LNP1: variants seen among roughly 807,000 people sequenced by gnomAD.
LNP1 encodes the protein leukemia NUP98 fusion partner 1.
In LNP1, 12 loss-of-function variants were observed where a neutral mutation model predicts 14.5. The ratio of observed to expected loss-of-function variants is 0.83; its 90% CI spans 0.53 to 1.34. LNP1 has a LOEUF of 1.34. Among genes scored for constraint, LNP1 ranks in the 40% most tolerant of loss-of-function variants. The pLI is 0.00. For synonymous variants in LNP1, 75 were observed against 71.4 expected, an observed-to-expected ratio of 1.05 and a Z score of -0.26; for missense variants, 198 against 210.9, an observed-to-expected ratio of 0.94 and a Z score of 0.38.
At chr3:100,423,360 A>G (rs1707163531) in intron 1 of LNP1, among the ~76,000 whole-genome samples, 1 of 152,214 alleles carries the variant, frequency 6.6e-6, no homozygotes, top group Non-Finnish European at 1.5e-5. Flanking sequence ...ACAGTGAAAT[A>G]AATAAAGGGA....
chr3:100,402,236 C>G lies in LNP1; in HGVS notation c.-237C>G, dbSNP rs950287429. 6.6e-6 allele frequency: 1 copy of G among 152,208 alleles called. No homozygotes were observed. The highest frequency in any genetic ancestry group is 2.4e-5 in the African/African-American group (1 of 41,442). The allele number at this position is 152,208 out of a possible 1,614,324, so 9.4% of individuals were successfully genotyped here. On this transcript the variant is annotated 5_prime_UTR_variant, in exon 1 of 4. Coordinates refer to ENST00000383693, the MANE Select transcript of LNP1 (RefSeq NM_001085451.2). ...AAAATCAGAGTCCAGAACTATGGTTCTCCATTTCTGGTATACTGGTTTGCA... is the reference window on the plus strand; with the variant it reads ...AAAATCAGAGTCCAGAACTATGGTTGTCCATTTCTGGTATACTGGTTTGCA...
Position 100,415,044 on chromosome 3 carries a change from C to A in LNP1, c.-34+12605C>A, listed in dbSNP as rs1576226792. ...CACAAAATGGCAAATAGATTAAAAA[C>A]CCAGAAAACTAAAACTTTAAACTTT... On this transcript the variant is annotated intron_variant, in intron 1 of 3. Transcript: ENST00000383693. Among the ~76,000 whole-genome samples the A allele has an allele frequency of 3.3e-5, 5 of 152,158 alleles. 1 individual carries two copies. In the South Asian group the frequency reaches 1.0e-3, roughly 32 times the overall value.
intron 2 of LNP1, among the ~76,000 whole-genome samples, 153 bp downstream of exon 2, chr3:100,430,038 T>C (rs1576231502): frequency 6.6e-6 from 1 of 152,330 alleles, no homozygotes; most frequent in East Asian, 1.9e-4. Flanking sequence ...ATCTCTCTTA[T>C]TATTTCATCT....
chr3:100,447,714 A>ATTTT lies in LNP1; in HGVS notation c.157-4004_157-4001dup, dbSNP rs1179218673. ...ATCCCTCTTCCTTAAACAACCAGTC[A>ATTTT]TTTTACTCTAGGACTAAATTTACCA... On this transcript the variant is annotated intron_variant, in intron 2 of 3. Transcript: ENST00000383693. 4.6e-5 allele frequency among the ~76,000 whole-genome samples: 7 copies of ATTTT among 152,298 alleles called. No individual in the cohort carries two copies. In the South Asian group the frequency reaches 1.0e-3, roughly 23 times the overall value.
intron 1 of LNP1, among the ~76,000 whole-genome samples, chr3:100,406,532 T>C (rs1229205381): frequency 6.6e-6 from 1 of 152,026 alleles, no homozygotes; most frequent in Non-Finnish European, 1.5e-5. Flanking sequence ...TTGATTTTTA[T>C]TTTTTTATTT....
chr3:100,410,245 A>G (rs953714204), intron 1 of LNP1, among the ~76,000 whole-genome samples: 2 of 152,214 alleles, frequency 1.3e-5, no homozygotes, highest in Non-Finnish European at 2.9e-5. Flanking sequence ...GGGGTCAGAA[A>G]GTAAAGAGGA....
intron 1 of LNP1, among the ~76,000 whole-genome samples, chr3:100,405,256 A>G (rs1441015961): frequency 6.6e-6 from 1 of 152,202 alleles, no homozygotes; most frequent in Non-Finnish European, 1.5e-5. Context: ...ATCAGCTGTG[A>G]AGTCTTCAAC....
rs920602422 is a variant in LNP1, at chr3:100,402,164, T to C, written c.-309T>C. On this transcript the variant is annotated 5_prime_UTR_variant, in exon 1 of 4. Coordinates refer to ENST00000383693, the MANE Select transcript of LNP1 (RefSeq NM_001085451.2). ...TAAAATATAAAATTACCTTGCAAGG[T>C]ATTGTTTGGAATACACGGTATTTTC... 6.6e-6 allele frequency: 1 copy of C among 152,184 alleles called. No homozygotes were observed. The highest frequency in any genetic ancestry group is 1.5e-5 in the Non-Finnish European group (1 of 68,030). The allele number at this position is 152,184 out of a possible 1,614,324, so 9.4% of individuals were successfully genotyped here. A position where few individuals can be genotyped will look rare whatever the true frequency, so the allele number is the denominator to read the frequency against.
At chr3:100,454,747 G>GA (rs1707493034) in intron 3 of LNP1, among the ~76,000 whole-genome samples, 1 of 152,186 alleles carries the variant, frequency 6.6e-6, no homozygotes, top group East Asian at 1.9e-4. Flanking sequence ...TTTGATAAGA[G>GA]ACCTTCATGA....
chr3:100,404,867 AC>A (rs1390198605), intron 1 of LNP1, among the ~76,000 whole-genome samples: 1 of 137,186 alleles, frequency 7.3e-6, no homozygotes, highest in Non-Finnish European at 1.5e-5. Context: ...ATCTCGGCTT[AC>A]TGCAACCTCT....
Position 100,451,936 on chromosome 3 carries a change from G to A in LNP1, c.374G>A (p.Arg125His), listed in dbSNP as rs541399644. The change falls in exon 3 of 4, where the codon CGT becomes CAT. Residue 125 changes from arginine (R) to histidine (H), a missense_variant. Arg to His is a conservative substitution (Grantham distance 29). Coordinates refer to ENST00000383693, the MANE Select transcript of LNP1 (RefSeq NM_001085451.2). ...FERQLCFRTK[R>H]SASLGPESRK... ...CGGCAACTGTGCTTTAGAACCAAGC[G>A]TTCTGCCTCTTTGGTATGTAACAGA... 22 of 1,611,076 alleles carry A rather than the reference G, an allele frequency of 1.4e-5. No homozygotes were observed. Among genetic ancestry groups the A allele is most frequent in the African/African-American group, 5.3e-5 (4 of 74,770 alleles).
At chr3:100,442,837 A>C (rs532529149) in intron 2 of LNP1, among the ~76,000 whole-genome samples, 15 of 152,264 alleles carry the variant, frequency 9.9e-5, no homozygotes, top group Admixed American at 8.5e-4. Flanking sequence ...CTCAGGTTTC[A>C]TCTGATCTCT....
chr3:100,434,682 C>A (rs1311065418), intron 2 of LNP1, among the ~76,000 whole-genome samples: 2 of 151,900 alleles, frequency 1.3e-5, no homozygotes, highest in Non-Finnish European at 2.9e-5. Flanking sequence ...GCGTGCACCA[C>A]CATGCCTGGC....
chr3:100,439,977 G>C (rs1482327948), intron 2 of LNP1, among the ~76,000 whole-genome samples: 4 of 152,114 alleles, frequency 2.6e-5, no homozygotes, highest in Non-Finnish European at 4.4e-5. Flanking sequence ...CCACACACTG[G>C]GTGGCTTAAA....
intron 3 of LNP1, 113 bp from the exon 4 acceptor site, chr3:100,455,664 G>A: frequency 1.0e-6 from 1 of 976,512 alleles, no homozygotes; most frequent in Non-Finnish European, 1.6e-6. Context: ...GAAACCAAGA[G>A]GTGGAAGTCT....
At chr3:100,440,626 G>T (rs917737417) in intron 2 of LNP1, among the ~76,000 whole-genome samples, 1 of 151,980 alleles carries the variant, frequency 6.6e-6, no homozygotes, top group African/African-American at 2.4e-5. Flanking sequence ...TAACCATTTG[G>T]TATTTCCCTT....
Position 100,429,888 on chromosome 3 carries a change from G to A in LNP1, c.156+3G>A. 6.2e-7 allele frequency: 1 copy of A among 1,612,374 alleles called. No homozygotes were observed. Among genetic ancestry groups the A allele is most frequent in the Non-Finnish European group, 8.5e-7 (1 of 1,179,286 alleles). On this transcript the variant is annotated splice_donor_region_variant and intron_variant, in intron 2 of 3. Coordinates refer to ENST00000383693, the MANE Select transcript of LNP1 (RefSeq NM_001085451.2). ...GGAAAACCTCCCTGCCCTGCCCAGT[G>A]AGTGATTGTCATGGAACCGGAGGGG...
At chr3:100,455,161 G>A (rs1397676257) in intron 3 of LNP1, among the ~76,000 whole-genome samples, 1 of 152,092 alleles carries the variant, frequency 6.6e-6, no homozygotes, top group Non-Finnish European at 1.5e-5. Flanking sequence ...GTTTATTGAT[G>A]ACTGTCTGTA....
intron 1 of LNP1, among the ~76,000 whole-genome samples, chr3:100,424,027 A>G (rs1291024840): frequency 1.3e-5 from 2 of 152,110 alleles, no homozygotes; most frequent in Non-Finnish European, 2.9e-5. Context: ...TTGCTGCCCC[A>G]TGTTTGTTTT....
Sources: gnomAD v4.1 joint callset for allele counts (sites outside exome capture counted in the v4.1 genomes callset) on GRCh38, gnomAD v4.1.1 for gene constraint, MANE v1.5 for transcripts, NCBI Gene and HGNC (gene_info 2026-07-23, HGNC 2026-07-21) for gene names.